The following CPNE3 variants were observed in gnomAD, a reference collection of about 807,000 sequenced individuals.
The protein encoded by CPNE3 is copine-3.
CPNE3 carries 68 observed loss-of-function variants against 63.9 expected under a neutral mutation model. The ratio of observed to expected loss-of-function variants is 1.06; its 90% CI spans 0.87 to 1.30. The LOEUF (loss-of-function observed/expected upper bound fraction) is 1.30, where lower values mean the gene tolerates loss of function less well. CPNE3 is among the 50% of genes most tolerant of loss of function. CPNE3 has a pLI of 0.00. For missense variants in CPNE3, 665 were observed against 578.1 expected, an observed-to-expected ratio of 1.15 and a Z score of -1.54; for synonymous variants, 219 against 197.5, an observed-to-expected ratio of 1.11 and a Z score of -0.91.
intron 7 of CPNE3, among the ~76,000 whole-genome samples, chr8:86,537,949 T>C (rs1379106594): frequency 6.7e-6 from 1 of 149,662 alleles, no homozygotes; most frequent in African/African-American, 2.5e-5. Context: ...TGTCTTTCTC[T>C]ATCTCTGTCC....
chr8:86,558,020 A>G (rs1821358515), intron 16 of CPNE3, among the ~76,000 whole-genome samples: 1 of 152,228 alleles, frequency 6.6e-6, no homozygotes, highest in African/African-American at 2.4e-5. Context: ...TAAAAGTTAT[A>G]AAACAACAAC....
intron 4 of CPNE3, among the ~76,000 whole-genome samples, chr8:86,530,262 C>T (rs566419531): frequency 2.0e-5 from 3 of 151,630 alleles, no homozygotes; most frequent in Non-Finnish European, 4.4e-5. Context: ...CTTGACCTCC[C>T]GGGTTCAAGT....
intron 7 of CPNE3, 21 bp downstream of exon 7, chr8:86,537,667 A>G: frequency 1.5e-6 from 2 of 1,300,566 alleles, no homozygotes; most frequent in Non-Finnish European, 2.2e-6. Context: ...GAATTTGAAA[A>G]GCAGAGTGGA....
At position 86,544,764 on chromosome 8, in the gene CPNE3, G is replaced by C. The variant is rs1209462144; in HGVS notation, c.658G>C (p.Asp220His). 3 of 1,548,380 alleles carry C rather than the reference G, an allele frequency of 1.9e-6. No individual in the cohort carries two copies. Among genetic ancestry groups the C allele is most frequent in the Admixed American group, 1.9e-5 (1 of 53,640 alleles). ...GGTGGAGTGTTATGATTATGACAATGATGGGTCACATGATCTCATTGGAAC... is the reference window on the plus strand; with the variant it reads ...GGTGGAGTGTTATGATTATGACAATCATGGGTCACATGATCTCATTGGAAC... Reference protein sequence around the residue: ...IKVECYDYDNDGSHDLIGTFQ... With the variant: ...IKVECYDYDNHGSHDLIGTFQ... Residue 220 changes from aspartate (D) to histidine (H), a missense_variant, in exon 9 of 17, where the codon GAT becomes CAT. Transcript: ENST00000517490.
rs1166306111 is a variant in CPNE3 at position 86,560,390 on chromosome 8, C to T, written c.*1980C>T. On this transcript the variant is annotated 3_prime_UTR_variant, in exon 17 of 17. Coordinates refer to ENST00000517490, the MANE Select transcript of CPNE3 (RefSeq NM_003909.5). Reference sequence around the variant, plus strand: ...TGAGCTTATCTGTTTGATGCTGTGGCAGGGTCCCAGTCACTGGGCATATCC... The same window carrying T: ...TGAGCTTATCTGTTTGATGCTGTGGTAGGGTCCCAGTCACTGGGCATATCC... The T allele has an allele frequency of 6.6e-6, 1 of 152,150 alleles. No individual in the cohort carries two copies. The highest frequency in any genetic ancestry group is 1.5e-5 in the Non-Finnish European group (1 of 68,034). The allele number at this position is 152,150 out of a possible 1,614,324, so 9.4% of individuals were successfully genotyped here.
chr8:86,529,021 A>C lies in CPNE3; in HGVS notation c.209A>C (p.Glu70Ala), dbSNP rs1226199317. ...ACATTTATTATTGATTACTACTTTGAAGTGGTTCAGAAATTGAAATTTGGG... is the reference window on the plus strand; with the variant it reads ...ACATTTATTATTGATTACTACTTTGCAGTGGTTCAGAAATTGAAATTTGGG... ...SKTFIIDYYF[E>A]VVQKLKFGVY... Residue 70 changes from glutamate (E) to alanine (A), a missense_variant, in exon 4 of 17, where the codon GAA (glutamate) becomes GCA (alanine). Transcript: ENST00000517490. 1 of 1,613,782 alleles carries C rather than the reference A, an allele frequency of 6.2e-7. No individual in the cohort carries two copies. The highest frequency in any genetic ancestry group is 2.2e-5 in the East Asian group (1 of 44,846).
intron 12 of CPNE3, among the ~76,000 whole-genome samples, chr8:86,549,067 G>A (rs1343966728): frequency 6.6e-6 from 1 of 151,978 alleles, no homozygotes; most frequent in African/African-American, 2.4e-5. Context: ...TAAACAATAG[G>A]GAAAACATCT....
intron 2 of CPNE3, among the ~76,000 whole-genome samples, chr8:86,525,700 G>A (rs1219863930): frequency 6.6e-6 from 1 of 152,142 alleles, no homozygotes; most frequent in African/African-American, 2.4e-5. Context: ...ACATGTAGAT[G>A]TCTTCATTCT....
intron 6 of CPNE3, among the ~76,000 whole-genome samples, chr8:86,533,769 T>C (rs997929997): frequency 3.3e-5 from 5 of 152,204 alleles, no homozygotes; most frequent in Admixed American, 2.0e-4. Context: ...TCCATCAATA[T>C]GTTGATGTAT....
chr8:86,519,497 G>A (rs939787335), intron 2 of CPNE3, among the ~76,000 whole-genome samples: 1 of 152,176 alleles, frequency 6.6e-6, no homozygotes. Flanking sequence ...GCTAAAAGCT[G>A]ATTTATTTTG....
chr8:86,520,255 C>T (rs2131421011), intron 2 of CPNE3, among the ~76,000 whole-genome samples: 1 of 152,284 alleles, frequency 6.6e-6, no homozygotes, highest in African/African-American at 2.4e-5. Context: ...TTAGGTTTAA[C>T]AGCTGAAGGC....
intron 2 of CPNE3, among the ~76,000 whole-genome samples, chr8:86,516,818 G>T (rs1009953239): frequency 1.3e-5 from 2 of 151,966 alleles, no homozygotes; most frequent in Non-Finnish European, 2.9e-5. Flanking sequence ...ATGTTCTTTA[G>T]TCAGTGATTT....
rs1563701904 is a variant in CPNE3 at position 86,554,967 on chromosome 8, C to T, written c.1237C>T (p.Gln413Ter). 1.9e-6 allele frequency: 3 copies of T among 1,614,110 alleles called. No individual in the cohort carries two copies. ...GGCCAGGTTTGCTGCTGCAGCCACG[C>T]AACAGCAGACAGCTTCTGTAAGTGC... is the stretch of plus-strand genomic sequence containing the variant. ...HVARFAAAAT[Q>*]QQTASQYFVL... Residue 413 changes from glutamine to a stop codon, truncating the protein, a stop_gained, in exon 15 of 17, where the codon CAA (glutamine) becomes TAA (stop). Coordinates refer to ENST00000517490, the MANE Select transcript of CPNE3 (RefSeq NM_003909.5). LOFTEE classifies it high-confidence loss of function.
At chr8:86,539,799 A>C (rs1289157584) in intron 7 of CPNE3, among the ~76,000 whole-genome samples, 1 of 151,362 alleles carries the variant, frequency 6.6e-6, no homozygotes, top group Non-Finnish European at 1.5e-5. Context: ...AGTAGCTAGG[A>C]TTATAGGCAT....
intron 8 of CPNE3, among the ~76,000 whole-genome samples, chr8:86,542,438 A>C (rs1820961499): frequency 6.6e-6 from 1 of 152,126 alleles, no homozygotes; most frequent in Non-Finnish European, 1.5e-5. Flanking sequence ...TACTGAATGT[A>C]GTATCTGTGT....
chr8:86,542,540 T>C (rs932321254), intron 8 of CPNE3, among the ~76,000 whole-genome samples: 2 of 151,892 alleles, frequency 1.3e-5, no homozygotes, highest in African/African-American at 4.8e-5. Flanking sequence ...TTATGTATAC[T>C]ATATATGCAT....
chr8:86,546,129 A>G (rs1403884030), intron 9 of CPNE3, among the ~76,000 whole-genome samples: 1 of 152,238 alleles, frequency 6.6e-6, no homozygotes, highest in South Asian at 2.1e-4. Context: ...ATATTTTACC[A>G]TAGAGTTGGG....
intron 2 of CPNE3, among the ~76,000 whole-genome samples, chr8:86,523,943 G>C (rs1259458178): frequency 1.3e-5 from 2 of 152,170 alleles, no homozygotes; most frequent in Non-Finnish European, 2.9e-5. Flanking sequence ...GGTAGATTAG[G>C]GGTAGATGTT....
intron 7 of CPNE3, among the ~76,000 whole-genome samples, chr8:86,539,771 T>A (rs1273296919): frequency 1.3e-5 from 2 of 151,314 alleles, no homozygotes; most frequent in African/African-American, 4.9e-5. Context: ...CCAGCAGTTC[T>A]CCTGCCTCAG....
Sources: gnomAD v4.1 joint callset for allele counts (sites outside exome capture counted in the v4.1 genomes callset) on GRCh38, gnomAD v4.1.1 for gene constraint, MANE v1.5 for transcripts, NCBI Gene and HGNC (gene_info 2026-07-23, HGNC 2026-07-21) for gene names.